Variants in HDAC9 observed in about 807,000 individuals in gnomAD.
HDAC9 encodes MEF-2 interacting transcription repressor (MITR) protein.
A neutral mutation model predicts 139.4 loss-of-function variants in HDAC9; 41 were observed. The ratio of observed to expected loss-of-function variants is 0.29; its 90% CI spans 0.23 to 0.38. The LOEUF (loss-of-function observed/expected upper bound fraction) is 0.38, where lower values mean the gene tolerates loss of function less well. HDAC9 is among the 10% of genes least tolerant of loss of function. The pLI is 1.00. For missense variants in HDAC9, 1,147 were observed against 1,297.0 expected, an observed-to-expected ratio of 0.88 and a Z score of 1.78; for synonymous variants, 517 against 476.2, an observed-to-expected ratio of 1.09 and a Z score of -1.12.
chr7:18,921,067 T>C (rs910097194), intron 22 of HDAC9, among the ~76,000 whole-genome samples: 6 of 152,048 alleles, frequency 3.9e-5, no homozygotes, highest in African/African-American at 1.4e-4. Flanking sequence ...CCTTACACCT[T>C]ATACAAAAAT....
intron 11 of HDAC9, among the ~76,000 whole-genome samples, chr7:18,657,181 CTT>C (rs1791508732): frequency 1.3e-5 from 2 of 151,962 alleles, no homozygotes; most frequent in Non-Finnish European, 1.5e-5. Context: ...TTATTAATCT[CTT>C]GTCAGAGGGG....
chr7:18,796,101 G>A (rs961349438), intron 17 of HDAC9, among the ~76,000 whole-genome samples: 1 of 152,102 alleles, frequency 6.6e-6, no homozygotes, highest in African/African-American at 2.4e-5. Flanking sequence ...ATACCACATC[G>A]TATGAGATTG....
chr7:18,122,464 C>G (rs911930206), intron 1 of HDAC9, among the ~76,000 whole-genome samples: 3 of 152,016 alleles, frequency 2.0e-5, no homozygotes, highest in African/African-American at 2.4e-5. Flanking sequence ...AAGAAAAAAG[C>G]CAAAATAACT....
chr7:18,433,422 G>A (rs905716631), intron 1 of HDAC9, among the ~76,000 whole-genome samples: 2 of 152,086 alleles, frequency 1.3e-5, no homozygotes, highest in Admixed American at 6.5e-5. Context: ...GAAATAAAAG[G>A]CATCCAAATA....
chr7:18,893,920 G>A (rs1409689395), intron 22 of HDAC9, among the ~76,000 whole-genome samples: 1 of 152,190 alleles, frequency 6.6e-6, no homozygotes, highest in Non-Finnish European at 1.5e-5. Flanking sequence ...AAGGGCAATA[G>A]CCCTGAGGCA....
At position 18,205,078 on chromosome 7, in the gene HDAC9, A is replaced by G. The variant is rs998142221; in HGVS notation, c.25+42729A>G. On this transcript the variant is annotated intron_variant, in intron 2 of 12. Coordinates refer to the HDAC9 transcript ENST00000417496. ...ATAGGGAGTTAGAGACATTAGTATT[A>G]TAATGATAGTATATGGCATACATTT... Among the ~76,000 whole-genome samples, 6 of 152,160 alleles carry G rather than the reference A, an allele frequency of 3.9e-5. No homozygotes were observed. In the East Asian group the frequency reaches 7.7e-4, roughly 20 times the overall value.
At chr7:18,657,056 CA>C (rs1791466899) in intron 11 of HDAC9, among the ~76,000 whole-genome samples, 1 of 152,006 alleles carries the variant, frequency 6.6e-6, no homozygotes, top group African/African-American at 2.4e-5. Context: ...AACATTTTTT[CA>C]TATGGTGTTG....
chr7:18,826,807 C>G (rs1795477264), intron 17 of HDAC9, among the ~76,000 whole-genome samples: 1 of 151,762 alleles, frequency 6.6e-6, no homozygotes. Context: ...CATGCTTTAA[C>G]TCCTGCCTAG....
rs572324973 is a variant in HDAC9 at position 18,867,195 on chromosome 7, CAG to C, written c.2685-7281_2685-7280del. 7.7e-4 allele frequency among the ~76,000 whole-genome samples: 118 copies of C among 152,276 alleles called. 1 individual carries two copies. The highest frequency in any genetic ancestry group is 3.9e-3 in the Admixed American group (59 of 15,298). On this transcript the variant is annotated intron_variant, in intron 21 of 25. Coordinates refer to ENST00000686413, the MANE Select transcript of HDAC9 (RefSeq NM_178425.4). Reference sequence around the variant, plus strand: ...GGGTTGTTCTTCAAGAAGAGCATGACAGAATAACCATTGGTAGGTGAGGACAA... The same window carrying C: ...GGGTTGTTCTTCAAGAAGAGCATGACAATAACCATTGGTAGGTGAGGACAA...
intron 3 of HDAC9, among the ~76,000 whole-genome samples, chr7:18,589,091 C>T (rs925876869): frequency 5.3e-5 from 8 of 151,960 alleles, no homozygotes; most frequent in African/African-American, 1.2e-4. Flanking sequence ...GTAACTTGTC[C>T]GGATTTCATA....
chr7:18,216,181 T>C (rs765119010), intron 2 of HDAC9, among the ~76,000 whole-genome samples: 11 of 150,250 alleles, frequency 7.3e-5, no homozygotes, highest in East Asian at 3.9e-4. Flanking sequence ...AACAGAGAGA[T>C]TGATTAATTG....
intron 12 of HDAC9, among the ~76,000 whole-genome samples, chr7:18,717,697 C>T (rs1784809943): frequency 6.6e-6 from 1 of 151,830 alleles, no homozygotes; most frequent in South Asian, 2.1e-4. Flanking sequence ...TCCCAAAGTG[C>T]TGGGGCAATT....
intron 7 of HDAC9, among the ~76,000 whole-genome samples, chr7:18,633,228 A>G (rs1028867026): frequency 5.3e-5 from 8 of 152,156 alleles, no homozygotes; most frequent in Admixed American, 1.3e-4. Context: ...ACATGGATGT[A>G]GAGAATGCCA....
intron 2 of HDAC9, among the ~76,000 whole-genome samples, chr7:18,583,593 A>G (rs1405312254): frequency 5.3e-5 from 8 of 151,370 alleles, no homozygotes; most frequent in Non-Finnish European, 1.0e-4. Flanking sequence ...AAAAAAAAAA[A>G]GAAAGAAAAA....
At chr7:18,297,998 T>C (rs1798262733) in intron 1 of HDAC9, among the ~76,000 whole-genome samples, 1 of 152,148 alleles carries the variant, frequency 6.6e-6, no homozygotes, top group African/African-American at 2.4e-5. Context: ...TCTAAATTCG[T>C]TTTTCTCAGA....
chr7:18,733,328 T>C (rs1786567361), intron 13 of HDAC9, among the ~76,000 whole-genome samples: 1 of 150,290 alleles, frequency 6.7e-6, no homozygotes, highest in African/African-American at 2.4e-5. Flanking sequence ...TACACATGTA[T>C]ATATGTGTAT....
intron 2 of HDAC9, among the ~76,000 whole-genome samples, chr7:18,571,184 A>T (rs1824164198): frequency 6.6e-6 from 1 of 152,240 alleles, no homozygotes; most frequent in Non-Finnish European, 1.5e-5. Flanking sequence ...ATTTTTTTCT[A>T]AATTGTATGT....
chr7:18,567,088 C>T (rs1418719503), intron 2 of HDAC9, among the ~76,000 whole-genome samples: 1 of 152,198 alleles, frequency 6.6e-6, no homozygotes, highest in East Asian at 1.9e-4. Context: ...CCAGCCCCAC[C>T]TGCTCTCCAG....
chr7:18,604,004 A>C (rs1443761153), intron 6 of HDAC9, among the ~76,000 whole-genome samples: 1 of 152,046 alleles, frequency 6.6e-6, no homozygotes, highest in East Asian at 1.9e-4. Context: ...TTGTTGCTCT[A>C]TAGATAAAGT....
Sources: allele counts gnomAD v4.1 joint callset (sites outside exome capture counted in the v4.1 genomes callset), GRCh38; gene constraint gnomAD v4.1.1; transcripts MANE v1.5; gene names NCBI Gene and HGNC (gene_info 2026-07-23, HGNC 2026-07-21).